TMEM45A: variants seen among roughly 807,000 people sequenced by gnomAD.
TMEM45A encodes transmembrane protein 45A.
TMEM45A carries 25 observed loss-of-function variants against 32.0 expected under a neutral mutation model. The observed-to-expected ratio is 0.78, with a 90% confidence interval of 0.57 to 1.09. The LOEUF is 1.09. Among genes scored for constraint, TMEM45A ranks in the 50% least tolerant of loss-of-function variants. The pLI, the probability that TMEM45A is intolerant of heterozygous loss-of-function variation, is 0.00. For missense variants in TMEM45A, 302 were observed against 325.0 expected (o/e 0.93, Z 0.54); for synonymous variants, 122 against 114.8 (o/e 1.06, Z -0.40).
At chr3:100,555,931 T>C (rs1706213199) in intron 2 of TMEM45A, among the ~76,000 whole-genome samples, 1 of 152,168 alleles carries the variant, frequency 6.6e-6, no homozygotes, top group African/African-American at 2.4e-5. Flanking sequence ...TGTAGGAAAG[T>C]TTAACTGTTT....
At chr3:100,549,317 C>T (rs527400522) in intron 1 of TMEM45A, among the ~76,000 whole-genome samples, 7 of 152,020 alleles carry the variant, frequency 4.6e-5, no homozygotes, top group Admixed American at 1.3e-4. Flanking sequence ...ACAACCAAAA[C>T]GAAAATGGAT....
intron 1 of TMEM45A, among the ~76,000 whole-genome samples, chr3:100,539,263 T>C (rs932305761): frequency 1.3e-5 from 2 of 152,032 alleles, no homozygotes; most frequent in South Asian, 2.1e-4. Flanking sequence ...CATAGGTGAA[T>C]AGAAGAGAAT....
In TMEM45A at chr3:100,510,765, G is replaced by C. The variant is rs1348150062; in HGVS notation, c.-4+17837G>C. On this transcript the variant is annotated intron_variant, in intron 1 of 5. Transcript: ENST00000323523. ...ATGTATAACTAGAATAACCAATACAGAGAAGTGCTTAAAGGAGCTGATGGA... is the reference window on the plus strand; with the variant it reads ...ATGTATAACTAGAATAACCAATACACAGAAGTGCTTAAAGGAGCTGATGGA... Among the ~76,000 whole-genome samples the C allele has an allele frequency of 5.9e-5, 9 of 152,228 alleles. 1 individual carries two copies. The highest frequency in any genetic ancestry group is 2.2e-4 in the African/African-American group (9 of 41,562).
intron 1 of TMEM45A, among the ~76,000 whole-genome samples, chr3:100,506,773 G>A (rs1371399840): frequency 6.6e-6 from 1 of 152,186 alleles, no homozygotes; most frequent in East Asian, 1.9e-4. Flanking sequence ...TGATGGTTGG[G>A]TGAGATGGGA....
At chr3:100,551,318 G>A (rs765977163) in intron 1 of TMEM45A, among the ~76,000 whole-genome samples, 1 of 152,054 alleles carries the variant, frequency 6.6e-6, no homozygotes, top group Non-Finnish European at 1.5e-5. Context: ...CGGCCGAACT[G>A]CTTTTCTTAG....
rs1477624451 is a variant in TMEM45A at position 100,536,465 on chromosome 3, A to G, written c.-3-18744A>G. Reference sequence around the variant, plus strand: ...TAAAAGATAAGTTCCATGAGAACAAAGACCTTGTCTATGTCCTGTCCGCAA... The same window carrying G: ...TAAAAGATAAGTTCCATGAGAACAAGGACCTTGTCTATGTCCTGTCCGCAA... On this transcript the variant is annotated intron_variant, in intron 1 of 5. Coordinates refer to ENST00000323523, the MANE Select transcript of TMEM45A (RefSeq NM_018004.3). Among the ~76,000 whole-genome samples the G allele has an allele frequency of 2.0e-5, 3 of 152,256 alleles. No individual in the cohort carries two copies. The East Asian group carries it at 5.8e-4, about 29-fold the overall frequency.
intron 5 of TMEM45A, chr3:100,574,770 T>C (rs563116517): frequency 6.6e-6 from 1 of 152,338 alleles, no homozygotes; most frequent in Admixed American, 6.5e-5. Flanking sequence ...CAATAAACCC[T>C]TGTTTGCTGT....
chr3:100,556,860 C>T lies in TMEM45A; in HGVS notation c.291C>T (p.Thr97=), dbSNP rs753279189. The T allele has an allele frequency of 3.6e-5, 58 of 1,614,012 alleles. No individual in the cohort carries two copies. The highest frequency in any genetic ancestry group is 4.6e-5 in the Non-Finnish European group (54 of 1,180,026). Residue 97 remains threonine, a synonymous_variant, in exon 3 of 6, where the codon ACC becomes ACT. Transcript: ENST00000323523. The part of the protein sequence containing the change: ...WNQLLGWHHF[T]MYFFFGLLGV... Reference sequence around the variant, plus strand: ...AACTCCTGGGCTGGCATCATTTCACCATGTATTTCTTCTTTGGGCTGTTGG... The same window carrying T: ...AACTCCTGGGCTGGCATCATTTCACTATGTATTTCTTCTTTGGGCTGTTGG...
At chr3:100,498,493 CTAGCCTACCCTG>C (rs1445990899) in intron 1 of TMEM45A, among the ~76,000 whole-genome samples, 1 of 152,154 alleles carries the variant, frequency 6.6e-6, no homozygotes, top group Non-Finnish European at 1.5e-5. Flanking sequence ...CTTCAGCCTG[CTAGCCTACCCTG>C]TAGGTTTTGG....
chr3:100,500,446 C>T (rs941437676), intron 1 of TMEM45A, among the ~76,000 whole-genome samples: 2 of 151,812 alleles, frequency 1.3e-5, no homozygotes, highest in African/African-American at 4.9e-5. Context: ...TAACACGTAA[C>T]AGTGGTATTG....
At chr3:100,515,631 TAAA>T (rs78493832) in intron 1 of TMEM45A, among the ~76,000 whole-genome samples, 2 of 134,900 alleles carry the variant, frequency 1.5e-5, no homozygotes, top group African/African-American at 5.2e-5. Flanking sequence ...AGTATAATAA[TAAA>T]AAAAAAAAAA....
chr3:100,538,226 C>T (rs1705781860), intron 1 of TMEM45A, among the ~76,000 whole-genome samples: 1 of 152,216 alleles, frequency 6.6e-6, no homozygotes, highest in Non-Finnish European at 1.5e-5. Flanking sequence ...CATATCCCAT[C>T]TTTGCTCAAA....
intron 4 of TMEM45A, among the ~76,000 whole-genome samples, chr3:100,561,789 C>T (rs911094663): frequency 5.3e-5 from 8 of 152,188 alleles, no homozygotes; most frequent in African/African-American, 1.9e-4. Flanking sequence ...GTCTTTGCTT[C>T]TTGTTTTTTA....
At chr3:100,557,011 T>C in intron 3 of TMEM45A, 39 bp downstream of exon 3, 1 of 1,595,038 alleles carries the variant, frequency 6.3e-7, no homozygotes, top group African/African-American at 1.3e-5. Context: ...CTTTCTCTAT[T>C]AGTGAGCATT....
At chr3:100,504,280 G>A (rs1010234306) in intron 1 of TMEM45A, among the ~76,000 whole-genome samples, 4 of 150,480 alleles carry the variant, frequency 2.7e-5, no homozygotes, top group South Asian at 2.1e-4. Flanking sequence ...CTTGGATATC[G>A]CCACAATGTT....
At chr3:100,569,580 A>G (rs1386944779) in intron 5 of TMEM45A, among the ~76,000 whole-genome samples, 2 of 152,186 alleles carry the variant, frequency 1.3e-5, no homozygotes, top group Admixed American at 1.3e-4. Flanking sequence ...TTACTTAACC[A>G]CATTAAGTAC....
intron 4 of TMEM45A, among the ~76,000 whole-genome samples, chr3:100,563,156 G>A (rs1706368382): frequency 6.6e-6 from 1 of 152,158 alleles, no homozygotes; most frequent in African/African-American, 2.4e-5. Flanking sequence ...AGCCATCCTT[G>A]GCATTCCTTG....
chr3:100,530,466 T>G lies in TMEM45A; in HGVS notation c.-3-24743T>G, dbSNP rs115606283. On this transcript the variant is annotated intron_variant, in intron 1 of 5. Coordinates refer to ENST00000323523, the MANE Select transcript of TMEM45A (RefSeq NM_018004.3). Reference sequence around the variant, plus strand: ...CCATTCACCAGTATAGAGGGTAATCTGCTTTACTCAAAGTCTACTGATTTA... The same window carrying G: ...CCATTCACCAGTATAGAGGGTAATCGGCTTTACTCAAAGTCTACTGATTTA... Among the ~76,000 whole-genome samples, 867 of 152,368 alleles carry G rather than the reference T, an allele frequency of 5.7e-3. 9 individuals carry two copies. The highest frequency in any genetic ancestry group is 8.4e-3 in the Non-Finnish European group (574 of 68,034).
At position 100,496,442 on chromosome 3, in the gene TMEM45A, G is replaced by A. The variant is rs1272711949; in HGVS notation, c.-4+3514G>A. On this transcript the variant is annotated intron_variant, in intron 1 of 5. Transcript: ENST00000323523. ...AGATTACACAGTGAACAAGTGGCAG[G>A]TGTAGAACCAGTCTAACTTTGTAGC... Among the ~76,000 whole-genome samples the A allele has an allele frequency of 3.3e-5, 5 of 152,302 alleles. No homozygotes were observed. The East Asian group carries it at 9.6e-4, about 29-fold the overall frequency.
Sources: gnomAD v4.1 joint callset for allele counts (sites outside exome capture counted in the v4.1 genomes callset) on GRCh38, gnomAD v4.1.1 for gene constraint, MANE v1.5 for transcripts, NCBI Gene and HGNC (gene_info 2026-07-23, HGNC 2026-07-21) for gene names.